Variants in STK24 observed in about 807,000 individuals in gnomAD.
STK24 encodes serine/threonine-protein kinase 24.
Under a neutral mutation model 55.6 loss-of-function variants are expected in STK24, and 21 were observed. The ratio of observed to expected loss-of-function variants is 0.38; its 90% CI spans 0.27 to 0.54. The LOEUF (loss-of-function observed/expected upper bound fraction) is 0.54, where lower values mean the gene tolerates loss of function less well. Among genes scored for constraint, STK24 ranks in the 20% least tolerant of loss-of-function variants. The pLI, the probability that STK24 is intolerant of heterozygous loss-of-function variation, is 0.79. For missense variants in STK24, 383 were observed against 538.4 expected (o/e 0.71, Z 2.86); for synonymous variants, 200 against 215.2 (o/e 0.93, Z 0.62).
intron 1 of STK24, among the ~76,000 whole-genome samples, chr13:98,544,747 G>A (rs184661671): frequency 1.5e-4 from 23 of 152,300 alleles, no homozygotes; most frequent in African/African-American, 4.1e-4. Flanking sequence ...CAAGGGAGAG[G>A]GGAAACATTT....
chr13:98,576,081 G>A (rs1240230100), intron 1 of STK24: 1 of 984,906 alleles, frequency 1.0e-6, no homozygotes, highest in African/African-American at 1.7e-5. Flanking sequence ...CCGGGCCCGG[G>A]ACCCTGGTGC....
At chr13:98,493,225 C>A (rs558654882) in intron 2 of STK24, among the ~76,000 whole-genome samples, 1 of 152,142 alleles carries the variant, frequency 6.6e-6, no homozygotes, top group Admixed American at 6.5e-5. Flanking sequence ...GAAAGGGTTG[C>A]GTGTGTGCGT....
At chr13:98,542,857 AG>A (rs140270032) in intron 1 of STK24, 206,899 of 985,280 alleles carry the variant, frequency 0.21, 22,730 homozygotes, top group Non-Finnish European at 0.23. Flanking sequence ...TATGTCCGTA[AG>A]AGGTCAGTTG....
rs750259401 is a variant in STK24, at chr13:98,446,706, C to T, written c.*6467G>A. The T allele has an allele frequency of 1.2e-5, 19 of 1,614,062 alleles. No individual in the cohort carries two copies. The highest frequency in any genetic ancestry group is 1.6e-4 in the Middle Eastern group (1 of 6,084). ...GCCAGCCTGCCTCTGCTCGGCTACT[C>T]GCTCACCATCCCCTCTGAGTCCGAG... On this transcript the variant is annotated 3_prime_UTR_variant, in exon 11 of 11. Transcript: ENST00000539966.
rs765330638 is a variant in STK24, at chr13:98,448,308, T to A, written c.*4865A>T. 20 of 1,612,576 alleles carry A rather than the reference T, an allele frequency of 1.2e-5. No individual in the cohort carries two copies. On this transcript the variant is annotated 3_prime_UTR_variant, in exon 11 of 11. Coordinates refer to ENST00000539966, the MANE Select transcript of STK24 (RefSeq NM_001032296.4). ...ACGTGTTGAGTCACAAAGAGTCTCT[T>A]GTGTATTGATGGCCGGACACACTCG... is the stretch of plus-strand genomic sequence containing the variant.
intron 9 of STK24, among the ~76,000 whole-genome samples, chr13:98,458,993 A>G (rs1323570569): frequency 6.6e-6 from 1 of 152,218 alleles, no homozygotes; most frequent in African/African-American, 2.4e-5. Context: ...TTACCTGGAA[A>G]ATCCAGGATA....
At chr13:98,521,682 CG>C in intron 1 of STK24, 1 of 706,156 alleles carries the variant, frequency 1.4e-6, no homozygotes. Flanking sequence ...TTCGGGGATG[CG>C]GGGGAAGCAG....
rs914107726 is a variant in STK24 at position 98,449,645 on chromosome 13, CG to C, written c.*3527del. The C allele has an allele frequency of 6.6e-6, 1 of 152,574 alleles. No individual in the cohort carries two copies. The highest frequency in any genetic ancestry group is 1.5e-5 in the Non-Finnish European group (1 of 68,036). The allele number at this position is 152,574 out of a possible 1,614,324, so 9.5% of individuals were successfully genotyped here. On this transcript the variant is annotated 3_prime_UTR_variant, in exon 11 of 11. Coordinates refer to ENST00000539966, the MANE Select transcript of STK24 (RefSeq NM_001032296.4). ...AAACAAACAGCAACTTGCAAACGGA[CG>C]AAGAGCCTGCCGTGTGTTAATCATT...
chr13:98,461,939 C>T (rs1893723688), intron 7 of STK24, 42 bp from the exon 8 acceptor site: 1 of 1,607,886 alleles, frequency 6.2e-7, no homozygotes. Context: ...TGCTCGCACA[C>T]CTGCTCTGGG....
chr13:98,495,028 G>A (rs1026071646), intron 2 of STK24, among the ~76,000 whole-genome samples: 4 of 152,204 alleles, frequency 2.6e-5, no homozygotes, highest in African/African-American at 7.2e-5. Flanking sequence ...CCAAGAAACA[G>A]CCTCCCAGCT....
At chr13:98,532,303 C>T (rs530093065) in intron 1 of STK24, among the ~76,000 whole-genome samples, 1 of 152,314 alleles carries the variant, frequency 6.6e-6, no homozygotes, top group East Asian at 1.9e-4. Context: ...CCTCTCCCAC[C>T]TCTCTTCTCC....
intron 10 of STK24, 127 bp downstream of exon 10, chr13:98,457,041 T>C: frequency 8.7e-7 from 1 of 1,154,166 alleles, no homozygotes; most frequent in Non-Finnish European, 1.2e-6. Flanking sequence ...TTCAACTCTG[T>C]CTACCCTGAG....
intron 5 of STK24, among the ~76,000 whole-genome samples, chr13:98,466,815 G>T (rs1893941362): frequency 6.6e-6 from 1 of 152,236 alleles, no homozygotes; most frequent in Non-Finnish European, 1.5e-5. Flanking sequence ...CCTGCTGGAT[G>T]CATTCGGCAT....
Position 98,539,336 on chromosome 13 carries a change from T to C in STK24, c.43-19863A>G, listed in dbSNP as rs117181685. Among the ~76,000 whole-genome samples the C allele has an allele frequency of 1.1e-3, 174 of 152,332 alleles. No homozygotes were observed. In the East Asian group the frequency reaches 0.019, roughly 16 times the overall value. The stretch of plus-strand genomic sequence containing the variant: ...AGTAGGAGTACATCTATTGGCACCA[T>C]AATCTGTCGTCCCCTTCCTATATTA... On this transcript the variant is annotated intron_variant, in intron 1 of 10. Transcript: ENST00000539966.
At chr13:98,456,197 C>T (rs750015925) in intron 10 of STK24, 17 of 205,798 alleles carry the variant, frequency 8.3e-5, no homozygotes, top group Admixed American at 1.6e-4. Flanking sequence ...GCTGTCCCCA[C>T]GTAGAGGGGC....
At chr13:98,550,037 C>G (rs1401972282) in intron 1 of STK24, among the ~76,000 whole-genome samples, 1 of 152,174 alleles carries the variant, frequency 6.6e-6, no homozygotes, top group East Asian at 1.9e-4. Context: ...ACAGGTGGGT[C>G]GTCTGCAGCA....
chr13:98,448,978 G>GTAAC lies in STK24; in HGVS notation c.*4191_*4194dup, dbSNP rs753830018. Reference sequence around the variant, plus strand: ...CAAGTTGACCAAATCGTTTTAAGTGGTAACTCTTTCCAACCGTAGCAGGGT... The same window carrying GTAAC: ...CAAGTTGACCAAATCGTTTTAAGTGGTAACTAACTCTTTCCAACCGTAGCAGGGT... On this transcript the variant is annotated 3_prime_UTR_variant, in exon 11 of 11. Transcript: ENST00000539966. 4.6e-5 allele frequency: 7 copies of GTAAC among 152,192 alleles called. No homozygotes were observed. Among genetic ancestry groups the GTAAC allele is most frequent in the Non-Finnish European group, 7.3e-5 (5 of 68,074 alleles). The allele number at this position is 152,192 out of a possible 1,614,324, so 9.4% of individuals were successfully genotyped here.
chr13:98,543,655 G>A (rs956958204), intron 1 of STK24, among the ~76,000 whole-genome samples: 1 of 152,154 alleles, frequency 6.6e-6, no homozygotes, highest in African/African-American at 2.4e-5. Context: ...ACTGGGGCCC[G>A]GAAGCCCTCT....
At chr13:98,547,915 C>A (rs534421516) in intron 1 of STK24, among the ~76,000 whole-genome samples, 12 of 152,330 alleles carry the variant, frequency 7.9e-5, no homozygotes, top group African/African-American at 2.9e-4. Context: ...CCACACAGAG[C>A]AAACTACTGC....
Sources: allele counts gnomAD v4.1 joint callset (sites outside exome capture counted in the v4.1 genomes callset), GRCh38; gene constraint gnomAD v4.1.1; transcripts MANE v1.5; gene names NCBI Gene and HGNC (gene_info 2026-07-23, HGNC 2026-07-21).